The following C7orf57 variants were observed in gnomAD, a reference collection of about 807,000 sequenced individuals.
The protein encoded by C7orf57 is uncharacterized protein C7orf57.
Under a neutral mutation model 39.0 loss-of-function variants are expected in C7orf57, and 33 were observed. That is an observed-to-expected ratio of 0.85 (90% CI 0.64 to 1.13). The LOEUF (loss-of-function observed/expected upper bound fraction) is 1.13, where lower values mean the gene tolerates loss of function less well. Ranked by LOEUF, C7orf57 falls within the 50% of genes most tolerant of loss-of-function variation. C7orf57 has a pLI of 0.00. For missense variants in C7orf57, 346 were observed against 362.3 expected, an observed-to-expected ratio of 0.95 and a Z score of 0.37; for synonymous variants, 124 against 137.1, an observed-to-expected ratio of 0.90 and a Z score of 0.67.
chr7:48,044,954 C>G (rs1015822663), intron 4 of C7orf57, among the ~76,000 whole-genome samples: 1 of 152,218 alleles, frequency 6.6e-6, no homozygotes, highest in Non-Finnish European at 1.5e-5. Context: ...TCCGGTGTTA[C>G]TTGAATGTTC....
chr7:48,051,347 A>ATTTTTTTTCTT, intron 6 of C7orf57, among the ~76,000 whole-genome samples: 1 of 69,780 alleles, frequency 1.4e-5, no homozygotes, highest in Admixed American at 2.0e-4. Flanking sequence ...CAGCTGGCTA[A>ATTTTTTTTCTT]TTTTTTTTTT....
rs753784295 is a variant in C7orf57 at position 48,049,994 on chromosome 7, C to T, written c.605+17C>T. On this transcript the variant is annotated intron_variant, in intron 6 of 8. Coordinates refer to ENST00000348904, the MANE Select transcript of C7orf57 (RefSeq NM_001100159.3). Reference sequence around the variant, plus strand: ...CCCCCCCGTGTAAGTGCTTGAGCTACGCCCTCACTGTCTGGACTGGGTTTG... The same window carrying T: ...CCCCCCCGTGTAAGTGCTTGAGCTATGCCCTCACTGTCTGGACTGGGTTTG... 16 of 1,540,680 alleles carry T rather than the reference C, an allele frequency of 1.0e-5. No individual in the cohort carries two copies. The highest frequency in any genetic ancestry group is 4.5e-5 in the South Asian group (4 of 89,464).
chr7:48,060,386 G>A lies in C7orf57; in HGVS notation c.*114G>A, dbSNP rs533822718. The A allele has an allele frequency of 6.6e-6, 4 of 603,818 alleles. No homozygotes were observed. Among genetic ancestry groups the A allele is most frequent in the Middle Eastern group, 4.5e-4 (1 of 2,200 alleles). The allele number at this position is 603,818 out of a possible 1,614,324, so 37.4% of individuals were successfully genotyped here. A position where few individuals can be genotyped will look rare whatever the true frequency, so the allele number is the denominator to read the frequency against. On this transcript the variant is annotated 3_prime_UTR_variant, in exon 9 of 9. Transcript: ENST00000348904. The stretch of plus-strand genomic sequence containing the variant: ...TATTTTATTAATATAGACTCTCATT[G>A]AATAATTTACCTTGCAGCAGATTTG...
intron 4 of C7orf57, among the ~76,000 whole-genome samples, chr7:48,044,560 G>A (rs533996529): frequency 1.4e-4 from 22 of 152,282 alleles, no homozygotes; most frequent in African/African-American, 5.3e-4. Flanking sequence ...AAAGGTGGGT[G>A]CGGTCGCCTT....
intron 5 of C7orf57, among the ~76,000 whole-genome samples, chr7:48,047,861 G>A (rs1790761452): frequency 6.6e-6 from 1 of 152,002 alleles, no homozygotes; most frequent in Non-Finnish European, 1.5e-5. Flanking sequence ...TACTACCGTA[G>A]ACACTCAGCC....
At chr7:48,047,324 G>GA (rs1790746773) in intron 5 of C7orf57, among the ~76,000 whole-genome samples, 2 of 152,234 alleles carry the variant, frequency 1.3e-5, no homozygotes, top group South Asian at 4.1e-4. Flanking sequence ...GTTTGTGAGT[G>GA]AAACGGTGAA....
chr7:48,039,760 TGTG>T (rs1790491275), intron 2 of C7orf57, among the ~76,000 whole-genome samples: 1 of 148,528 alleles, frequency 6.7e-6, no homozygotes, highest in Non-Finnish European at 1.5e-5. Context: ...ATACTGCCCC[TGTG>T]ACAGTACGTT....
Position 48,038,457 on chromosome 7 carries a change from C to T in C7orf57, c.55+2094C>T, listed in dbSNP as rs144106594. Among the ~76,000 whole-genome samples, 894 of 152,200 alleles carry T rather than the reference C, an allele frequency of 5.9e-3. 7 individuals are homozygous for T. The highest frequency in any genetic ancestry group is 0.038 in the South Asian group (184 of 4,822). ...AGATTTGTTTTAAGGAATTGGCTCA[C>T]GTAATTGTGGAGTCTGGAAGGTTCG... On this transcript the variant is annotated intron_variant, in intron 2 of 8. Transcript: ENST00000348904.
chr7:48,052,804 G>C lies in C7orf57; in HGVS notation c.710G>C (p.Arg237Thr). 6.2e-7 allele frequency: 1 copy of C among 1,614,012 alleles called. No individual in the cohort carries two copies. Among genetic ancestry groups the C allele is most frequent in the African/African-American group, 1.3e-5 (1 of 75,054 alleles). Residue 237 changes from arginine to threonine, a missense_variant, in exon 7 of 9, where the codon AGG (arginine) becomes ACG (threonine). Physicochemically the swap from Arg to Thr is moderately conservative, Grantham distance 71. Coordinates refer to ENST00000348904, the MANE Select transcript of C7orf57 (RefSeq NM_001100159.3). ...CAGCAGCGAGCTGACTCAGACAAGA[G>C]GACCCCGAAGACCTCCAGGGCATCA... ...QQQQRADSDK[R>T]TPKTSRASVL...
intron 8 of C7orf57, among the ~76,000 whole-genome samples, chr7:48,057,557 T>C (rs1292722877): frequency 1.3e-5 from 2 of 152,166 alleles, no homozygotes; most frequent in African/African-American, 4.8e-5. Flanking sequence ...GATCACATTG[T>C]CATCAAACAG....
In C7orf57 at chr7:48,045,378, G is replaced by A. The variant is rs112447905; in HGVS notation, c.351-1082G>A. Among the ~76,000 whole-genome samples the A allele has an allele frequency of 1.6e-4, 24 of 152,206 alleles. 1 individual carries two copies. The highest frequency in any genetic ancestry group is 5.8e-4 in the African/African-American group (24 of 41,528). Reference sequence around the variant, plus strand: ...AGTGGGAGGCCTGGGGAGAGGTGCCGCTTTTCACACCTGTGCTCCCTGAGC... The same window carrying A: ...AGTGGGAGGCCTGGGGAGAGGTGCCACTTTTCACACCTGTGCTCCCTGAGC... On this transcript the variant is annotated intron_variant, in intron 4 of 8. Coordinates refer to ENST00000348904, the MANE Select transcript of C7orf57 (RefSeq NM_001100159.3).
intron 7 of C7orf57, 59 bp downstream of exon 7, chr7:48,052,982 C>A: frequency 7.4e-7 from 1 of 1,347,522 alleles, no homozygotes; most frequent in Non-Finnish European, 1.1e-6. Context: ...GATGCAGCAG[C>A]TGACGTTCTT....
At chr7:48,038,589 C>T (rs934535145) in intron 2 of C7orf57, among the ~76,000 whole-genome samples, 1 of 152,176 alleles carries the variant, frequency 6.6e-6, no homozygotes, top group African/African-American at 2.4e-5. Context: ...TGGGGGATCT[C>T]ATTCTTTTCT....
chr7:48,051,361 T>TTTTTTTTTTTTTC (rs1790872644), intron 6 of C7orf57, among the ~76,000 whole-genome samples: 1 of 138,664 alleles, frequency 7.2e-6, no homozygotes, highest in African/African-American at 2.8e-5. Flanking sequence ...TTTTTTTTTT[T>TTTTTTTTTTTTTC]TTTTTTGGAG....
At chr7:48,039,696 T>C (rs749724722) in intron 2 of C7orf57, among the ~76,000 whole-genome samples, 3 of 152,080 alleles carry the variant, frequency 2.0e-5, no homozygotes, top group Admixed American at 1.3e-4. Context: ...AGTTGACACA[T>C]AAAATTAGAC....
intron 8 of C7orf57, among the ~76,000 whole-genome samples, chr7:48,057,159 G>GAA (rs71298785): frequency 5.3e-5 from 8 of 151,006 alleles, no homozygotes; most frequent in Admixed American, 3.9e-4. Flanking sequence ...CTATTTCTGT[G>GAA]AAAAATGTCA....
intron 4 of C7orf57, among the ~76,000 whole-genome samples, chr7:48,045,894 A>G (rs1456333304): frequency 2.0e-5 from 3 of 152,190 alleles, no homozygotes; most frequent in African/African-American, 4.8e-5. Context: ...TCCAACAGGA[A>G]ACAGAGCATG....
At chr7:48,050,804 G>A (rs971928435) in intron 6 of C7orf57, among the ~76,000 whole-genome samples, 2 of 152,058 alleles carry the variant, frequency 1.3e-5, no homozygotes, top group African/African-American at 4.8e-5. Context: ...CAAGTAGCTG[G>A]GGCTATATGC....
chr7:48,039,055 T>C (rs1480504956), intron 2 of C7orf57, among the ~76,000 whole-genome samples: 5 of 152,154 alleles, frequency 3.3e-5, no homozygotes, highest in Non-Finnish European at 5.9e-5. Context: ...AGAGAGTAGA[T>C]GTGAACATCT....
Sources: allele counts gnomAD v4.1 joint callset (sites outside exome capture counted in the v4.1 genomes callset), GRCh38; gene constraint gnomAD v4.1.1; transcripts MANE v1.5; gene names NCBI Gene and HGNC (gene_info 2026-07-23, HGNC 2026-07-21).